SPATA17: variants seen among roughly 807,000 people sequenced by gnomAD.
SPATA17 encodes spermatogenesis-associated protein 17.
SPATA17 carries 53 observed loss-of-function variants against 62.2 expected under a neutral mutation model. That is an observed-to-expected ratio of 0.85 (90% CI 0.68 to 1.07). The LOEUF (loss-of-function observed/expected upper bound fraction) is 1.07. Among genes scored for constraint, SPATA17 ranks in the 50% least tolerant of loss-of-function variants. The probability of loss-of-function intolerance (pLI) is 0.00; values close to 1 mark genes in which losing one functional copy is unlikely to be tolerated. For missense variants in SPATA17, 466 were observed against 425.5 expected (o/e 1.10, Z -0.84); for synonymous variants, 146 against 146.8 (o/e 0.99, Z 0.04).
At chr1:217,820,308 A>G (rs1040246388) in intron 9 of SPATA17, among the ~76,000 whole-genome samples, 2 of 152,084 alleles carry the variant, frequency 1.3e-5, no homozygotes, top group African/African-American at 2.4e-5. Flanking sequence ...TCTGGATACA[A>G]TGTGGATACT....
chr1:217,638,355 G>A (rs186507075), intron 1 of SPATA17, among the ~76,000 whole-genome samples: 75 of 152,200 alleles, frequency 4.9e-4, no homozygotes, highest in Non-Finnish European at 6.9e-4. Context: ...AAAACCAACA[G>A]CCAACATTAG....
intron 9 of SPATA17, among the ~76,000 whole-genome samples, chr1:217,828,540 A>AG (rs1458530755): frequency 1.6e-4 from 1 of 6,134 alleles, no homozygotes; most frequent in Non-Finnish European, 4.5e-4. Flanking sequence ...ATATCACACC[A>AG]AAAAAAAAAG....
At chr1:217,640,498 T>A (rs1268163173) in intron 1 of SPATA17, among the ~76,000 whole-genome samples, 4 of 152,158 alleles carry the variant, frequency 2.6e-5, no homozygotes, top group Non-Finnish European at 5.9e-5. Flanking sequence ...ATGCATGTCA[T>A]TTGACTCAGA....
intron 4 of SPATA17, among the ~76,000 whole-genome samples, chr1:217,680,922 TAAAAAAAAAAAAAA>T (rs71166016): frequency 1.9e-4 from 11 of 58,154 alleles, no homozygotes; most frequent in Non-Finnish European, 2.5e-4. Context: ...GAGACTCTGT[TAAAAAAAAAAAAAA>T]AAAAAAAAAA....
chr1:217,760,997 C>T (rs1673160083), intron 6 of SPATA17, among the ~76,000 whole-genome samples: 1 of 152,116 alleles, frequency 6.6e-6, no homozygotes, highest in African/African-American at 2.4e-5. Flanking sequence ...TAAGCCAGCT[C>T]AGAATACGTA....
chr1:217,797,495 C>CCACCT (rs1359964254), intron 8 of SPATA17, among the ~76,000 whole-genome samples: 2 of 151,974 alleles, frequency 1.3e-5, no homozygotes, highest in Non-Finnish European at 2.9e-5. Context: ...AGTGATCCAC[C>CCACCT]CACCTCAGCC....
chr1:217,820,000 G>A (rs151263546), intron 9 of SPATA17, among the ~76,000 whole-genome samples: 2 of 151,930 alleles, frequency 1.3e-5, no homozygotes, highest in Non-Finnish European at 2.9e-5. Flanking sequence ...GTCATATATC[G>A]ATAAGACTGG....
chr1:217,660,150 G>A (rs759506337), intron 3 of SPATA17, among the ~76,000 whole-genome samples: 1 of 152,066 alleles, frequency 6.6e-6, no homozygotes, highest in Non-Finnish European at 1.5e-5. Flanking sequence ...GCCTCTCATT[G>A]GTCTTATTTC....
chr1:217,729,646 A>G (rs1291174977), intron 5 of SPATA17, among the ~76,000 whole-genome samples: 1 of 152,196 alleles, frequency 6.6e-6, no homozygotes, highest in Non-Finnish European at 1.5e-5. Context: ...ATTTGGTAGA[A>G]ATTATATAAT....
At chr1:217,698,740 T>G (rs1332155420) in intron 5 of SPATA17, among the ~76,000 whole-genome samples, 2 of 152,096 alleles carry the variant, frequency 1.3e-5, no homozygotes, top group Admixed American at 6.5e-5. Context: ...CTGTGTGTAG[T>G]TAGGTCTATG....
intron 3 of SPATA17, among the ~76,000 whole-genome samples, chr1:217,664,779 T>C (rs1347297488): frequency 6.6e-6 from 1 of 152,182 alleles, no homozygotes; most frequent in Non-Finnish European, 1.5e-5. Context: ...TTCATCCTAC[T>C]GGTTTGAAAT....
chr1:217,838,120 A>G (rs1478814683), intron 9 of SPATA17, among the ~76,000 whole-genome samples: 1 of 152,126 alleles, frequency 6.6e-6, no homozygotes, highest in Non-Finnish European at 1.5e-5. Flanking sequence ...TTAGCATACA[A>G]TTAATGTTCT....
chr1:217,865,510 C>T (rs921197788), intron 10 of SPATA17, among the ~76,000 whole-genome samples: 1 of 152,096 alleles, frequency 6.6e-6, no homozygotes, highest in African/African-American at 2.4e-5. Context: ...ACTAGGATAA[C>T]ATTACTCCTT....
chr1:217,819,184 T>G (rs1225623456), intron 9 of SPATA17, among the ~76,000 whole-genome samples: 2 of 151,972 alleles, frequency 1.3e-5, no homozygotes, highest in Non-Finnish European at 2.9e-5. Context: ...CTTTGATTTT[T>G]TTTTTCTCAC....
intron 8 of SPATA17, among the ~76,000 whole-genome samples, chr1:217,797,867 C>T (rs1674195734): frequency 6.6e-6 from 1 of 152,072 alleles, no homozygotes; most frequent in Non-Finnish European, 1.5e-5. Flanking sequence ...CTGTTTTGAA[C>T]ATTACTAAGC....
chr1:217,769,258 G>A (rs537306277), intron 6 of SPATA17, among the ~76,000 whole-genome samples: 5 of 152,132 alleles, frequency 3.3e-5, no homozygotes, highest in Non-Finnish European at 7.4e-5. Flanking sequence ...GAGGAAAAAC[G>A]AATGTGTTCC....
intron 8 of SPATA17, among the ~76,000 whole-genome samples, chr1:217,799,528 T>C (rs1187523232): frequency 1.3e-5 from 2 of 152,124 alleles, no homozygotes; most frequent in African/African-American, 2.4e-5. Context: ...TGAGAGCTCT[T>C]TTCCCAAGAG....
chr1:217,820,536 A>G (rs1674832657), intron 9 of SPATA17, among the ~76,000 whole-genome samples: 1 of 151,804 alleles, frequency 6.6e-6, no homozygotes, highest in African/African-American at 2.4e-5. Context: ...AGGCTACTAG[A>G]TGAATGGTAT....
chr1:217,778,790 A>G (rs544687316), intron 7 of SPATA17, among the ~76,000 whole-genome samples: 6 of 152,084 alleles, frequency 3.9e-5, no homozygotes, highest in Admixed American at 2.0e-4. Flanking sequence ...ATGTTATTAC[A>G]TTTGCTTTAT....
Sources: allele counts gnomAD v4.1 joint callset (sites outside exome capture counted in the v4.1 genomes callset), GRCh38; gene constraint gnomAD v4.1.1; transcripts MANE v1.5; gene names NCBI Gene and HGNC (gene_info 2026-07-23, HGNC 2026-07-21).